Variants in TRPC5 observed in about 807,000 individuals in gnomAD.
TRPC5 encodes short transient receptor potential channel 5.
Under a neutral mutation model 56.5 loss-of-function variants are expected in TRPC5, and 9 were observed. The observed-to-expected ratio is 0.16, with a 90% CI of 0.10 to 0.28. The LOEUF is 0.28. Among genes scored for constraint, TRPC5 ranks in the 10% least tolerant of loss-of-function variants. The pLI is 1.00. For synonymous variants in TRPC5, 282 were observed against 278.5 expected, an observed-to-expected ratio of 1.01 and a Z score of -0.13; for missense variants, 469 against 748.9, an observed-to-expected ratio of 0.63 and a Z score of 4.36.
At chrX:112,068,750 G>A (rs1930646859) in intron 1 of TRPC5, among the ~76,000 whole-genome samples, 1 of 111,969 alleles carries the variant, frequency 8.9e-6, no homozygotes, top group Admixed American at 9.4e-5. Context: ...CAAGTAGAGG[G>A]CCTTGGGTTC....
chrX:112,068,297 G>C (rs1930636050), intron 1 of TRPC5, among the ~76,000 whole-genome samples: 1 of 112,434 alleles, frequency 8.9e-6, no homozygotes, highest in Non-Finnish European at 1.9e-5. Flanking sequence ...CTTCCAGAGA[G>C]AAAAAGCACT....
chrX:112,024,054 G>A (rs1403935590), intron 1 of TRPC5, among the ~76,000 whole-genome samples: 2 of 111,592 alleles, frequency 1.8e-5, no homozygotes, highest in Non-Finnish European at 3.8e-5. Flanking sequence ...TCTTAAAAAT[G>A]AACCTGCCTG....
intron 3 of TRPC5, among the ~76,000 whole-genome samples, chrX:111,890,325 T>G (rs143930322): frequency 1.8e-5 from 2 of 112,133 alleles, no homozygotes; most frequent in East Asian, 5.6e-4. Flanking sequence ...TTAGATTTTT[T>G]TCACAGTTTT....
At chrX:111,966,447 GA>G (rs1241636792) in intron 1 of TRPC5, among the ~76,000 whole-genome samples, 2 of 111,699 alleles carry the variant, frequency 1.8e-5, no homozygotes, top group Non-Finnish European at 3.8e-5. Context: ...CCAATCAATC[GA>G]AAAAGAGGGA....
intron 1 of TRPC5, among the ~76,000 whole-genome samples, chrX:112,035,056 C>T (rs747744357): frequency 4.6e-4 from 46 of 100,886 alleles, no homozygotes; most frequent in African/African-American, 1.5e-3. Context: ...TGTAAAGTGA[C>T]GCTGTTGATT....
At position 111,952,062 on chromosome X, in the gene TRPC5, C is replaced by T. The variant is rs1453439794; in HGVS notation, c.359G>A (p.Arg120Gln). The change falls in exon 2 of 11, where the codon CGG (arginine) becomes CAG (glutamine). Residue 120 changes from arginine to glutamine, a missense_variant. Transcript: ENST00000262839. ...GAVELLLSYR[R>Q]PSGEKQVPTL... Reference sequence around the variant, plus strand: ...TCTTACCTGCTTCTCTCCGCTGGGCCGCCTGTAGCTGAGCAGAAGCTCCAC... The same window carrying T: ...TCTTACCTGCTTCTCTCCGCTGGGCTGCCTGTAGCTGAGCAGAAGCTCCAC... 4 of 1,206,221 alleles carry T rather than the reference C, an allele frequency of 3.3e-6. No homozygotes were observed. The highest frequency in any genetic ancestry group is 4.5e-6 in the Non-Finnish European group (4 of 892,887).
At chrX:111,884,594 T>C (rs1049599564) in intron 3 of TRPC5, among the ~76,000 whole-genome samples, 2 of 112,254 alleles carry the variant, frequency 1.8e-5, no homozygotes, top group African/African-American at 6.5e-5. Flanking sequence ...CTGGGTAAGG[T>C]CTAGTCATAA....
intron 7 of TRPC5, among the ~76,000 whole-genome samples, chrX:111,810,875 G>C (rs989778601): frequency 2.3e-4 from 26 of 111,381 alleles, no homozygotes; most frequent in Non-Finnish European, 4.5e-4. Context: ...CAGAAGAATG[G>C]TTTTAACATT....
At chrX:111,800,792 A>C (rs1396836324) in intron 7 of TRPC5, among the ~76,000 whole-genome samples, 1 of 111,254 alleles carries the variant, frequency 9.0e-6, no homozygotes. Flanking sequence ...TATAACATAC[A>C]AAATATGTGT....
rs374726949 is a variant in TRPC5, at chrX:111,806,224, A to T, written c.1897-24086T>A. 1.2e-4 allele frequency among the ~76,000 whole-genome samples: 14 copies of T among 112,090 alleles called. No individual in the cohort carries two copies. In the East Asian group the frequency reaches 3.4e-3, roughly 27 times the overall value. The stretch of plus-strand genomic sequence containing the variant: ...TTTTTGGTTTTATCTAAAAACTTAA[A>T]GCTTAAAACCACAAACATTTATTAT... On this transcript the variant is annotated intron_variant, in intron 7 of 10. Coordinates refer to ENST00000262839, the MANE Select transcript of TRPC5 (RefSeq NM_012471.3).
At chrX:111,963,833 T>A (rs1304709642) in intron 1 of TRPC5, among the ~76,000 whole-genome samples, 1 of 110,652 alleles carries the variant, frequency 9.0e-6, no homozygotes, top group Non-Finnish European at 1.9e-5. Flanking sequence ...TACGTCAACA[T>A]CATCAAAGAC....
At chrX:112,058,828 G>C (rs1193834469) in intron 1 of TRPC5, among the ~76,000 whole-genome samples, 1 of 111,776 alleles carries the variant, frequency 8.9e-6, no homozygotes, top group Non-Finnish European at 1.9e-5. Context: ...AATAGGCACT[G>C]TTCTATGTGC....
intron 5 of TRPC5, 33 bp from the exon 6 acceptor site, chrX:111,847,469 G>C: frequency 6.7e-5 from 74 of 1,109,347 alleles, no homozygotes; most frequent in Non-Finnish European, 7.6e-5. Flanking sequence ...AAGATGAGGG[G>C]TACAGTGAAC....
chrX:111,980,580 A>G (rs1928050224), intron 1 of TRPC5, among the ~76,000 whole-genome samples: 1 of 111,270 alleles, frequency 9.0e-6, no homozygotes, highest in Non-Finnish European at 1.9e-5. Context: ...AAATTTCAAC[A>G]TACATCATTG....
At chrX:111,841,438 T>C (rs1326333286) in intron 6 of TRPC5, among the ~76,000 whole-genome samples, 1 of 111,877 alleles carries the variant, frequency 8.9e-6, no homozygotes, top group African/African-American at 3.2e-5. Context: ...ACAGCCTGAT[T>C]AACTGCGTTG....
rs368387675 is a variant in TRPC5 at position 111,841,737 on chromosome X, G to A, written c.1700+5377C>T. Among the ~76,000 whole-genome samples, 47 of 111,358 alleles carry A rather than the reference G, an allele frequency of 4.2e-4. No homozygotes were observed. In the South Asian group the frequency reaches 0.018, roughly 42 times the overall value. ...TTTGTTTGTTTGTTCTTGAGACAGA[G>A]TCTCCATGCGATGCCCAGGCTGGAG... On this transcript the variant is annotated intron_variant, in intron 6 of 10. Transcript: ENST00000262839.
chrX:111,969,481 C>T (rs1459898801), intron 1 of TRPC5, among the ~76,000 whole-genome samples: 1 of 111,419 alleles, frequency 9.0e-6, no homozygotes, highest in East Asian at 2.8e-4. Context: ...TATTTTTTTC[C>T]AATTATAAAA....
chrX:111,987,824 G>T (rs1374237572), intron 1 of TRPC5, among the ~76,000 whole-genome samples: 1 of 112,516 alleles, frequency 8.9e-6, no homozygotes, highest in East Asian at 2.8e-4. Context: ...GCTTATGGGA[G>T]GGTAAGCCAT....
At chrX:111,890,163 A>G (rs993749045) in intron 3 of TRPC5, among the ~76,000 whole-genome samples, 3 of 112,300 alleles carry the variant, frequency 2.7e-5, no homozygotes, top group South Asian at 3.7e-4. Context: ...CCCTAAACCA[A>G]TATTGTAAAA....
Sources: gnomAD v4.1 joint callset for allele counts (sites outside exome capture counted in the v4.1 genomes callset) on GRCh38, gnomAD v4.1.1 for gene constraint, MANE v1.5 for transcripts, NCBI Gene and HGNC (gene_info 2026-07-23, HGNC 2026-07-21) for gene names.